The following EIF2AK4 variants were observed in gnomAD, a reference collection of about 807,000 sequenced individuals.
The protein encoded by EIF2AK4 is eukaryotic translation initiation factor 2 alpha kinase 4.
Under a neutral mutation model 211.1 loss-of-function variants are expected in EIF2AK4, and 139 were observed. The ratio of observed to expected loss-of-function variants is 0.66; its 90% confidence interval spans 0.57 to 0.76. The LOEUF (loss-of-function observed/expected upper bound fraction) is 0.76, where lower values mean the gene tolerates loss of function less well. EIF2AK4 is among the 30% of genes least tolerant of loss of function. The pLI is 0.00. For missense variants in EIF2AK4, 1,664 were observed against 2,043.8 expected, an observed-to-expected ratio of 0.81 and a Z score of 3.58; for synonymous variants, 710 against 751.3, an observed-to-expected ratio of 0.94 and a Z score of 0.90.
chr15:39,956,774 T>C (rs987987675), intron 6 of EIF2AK4, among the ~76,000 whole-genome samples: 1 of 152,048 alleles, frequency 6.6e-6, no homozygotes, highest in Non-Finnish European at 1.5e-5. Context: ...TTAAATTATC[T>C]CTTGTGAGAC....
chr15:39,950,669 CG>C (rs1270741362), intron 4 of EIF2AK4, among the ~76,000 whole-genome samples: 1 of 151,284 alleles, frequency 6.6e-6, no homozygotes, highest in African/African-American at 2.4e-5. Flanking sequence ...TGCTACAAAC[CG>C]TTTAGTTGCC....
chr15:39,992,569 C>T (rs1741537909), intron 17 of EIF2AK4, 200 bp from the exon 18 acceptor site: 2 of 595,866 alleles, frequency 3.4e-6, no homozygotes, highest in African/African-American at 1.9e-5. Context: ...ATAGCAAAGA[C>T]ATCCTTGTGT....
At chr15:39,961,045 C>T (rs1436278) in intron 6 of EIF2AK4, among the ~76,000 whole-genome samples, 3 of 152,024 alleles carry the variant, frequency 2.0e-5, no homozygotes, top group African/African-American at 7.3e-5. Context: ...CCCTGCAACC[C>T]TCTCCCCTAA....
chr15:39,988,150 A>T, intron 15 of EIF2AK4, 45 bp downstream of exon 15: 1 of 1,597,668 alleles, frequency 6.3e-7, no homozygotes, highest in Non-Finnish European at 8.6e-7. Flanking sequence ...TGTTTACATA[A>T]ATTTATGACT....
At chr15:39,964,630 G>C (rs184230036) in intron 7 of EIF2AK4, among the ~76,000 whole-genome samples, 1 of 152,268 alleles carries the variant, frequency 6.6e-6, no homozygotes. Context: ...AAGGAGAATA[G>C]AGGGAACTAA....
intron 6 of EIF2AK4, among the ~76,000 whole-genome samples, chr15:39,956,863 C>T (rs558917063): frequency 6.6e-6 from 1 of 152,308 alleles, no homozygotes; most frequent in African/African-American, 2.4e-5. Flanking sequence ...TTTATATAAA[C>T]TTCTGTATAG....
chr15:39,954,060 GTTACTATCA>G, intron 5 of EIF2AK4, 76 bp downstream of exon 5: 1 of 1,157,544 alleles, frequency 8.6e-7, no homozygotes, highest in Non-Finnish European at 1.2e-6. Flanking sequence ...TGACATCTGT[GTTACTATCA>G]GTAATACAGC....
intron 8 of EIF2AK4, among the ~76,000 whole-genome samples, chr15:39,966,975 G>A (rs890307615): frequency 2.0e-5 from 3 of 152,098 alleles, no homozygotes; most frequent in Admixed American, 6.5e-5. Flanking sequence ...ATCAGAAAAG[G>A]TTATTTTTAA....
At chr15:39,956,273 G>A (rs559627467) in intron 6 of EIF2AK4, among the ~76,000 whole-genome samples, 1 of 152,150 alleles carries the variant, frequency 6.6e-6, no homozygotes, top group African/African-American at 2.4e-5. Context: ...CAAAATGCTG[G>A]GATTACAGGC....
intron 16 of EIF2AK4, chr15:39,991,918 C>T (rs145206857): frequency 8.2e-4 from 268 of 327,202 alleles, no homozygotes; most frequent in African/African-American, 5.5e-3. Context: ...ATTGGTTTCT[C>T]TAAGTGTTTG....
chr15:39,995,710 T>G (rs2035009702), intron 18 of EIF2AK4, among the ~76,000 whole-genome samples: 1 of 152,182 alleles, frequency 6.6e-6, no homozygotes, highest in African/African-American at 2.4e-5. Context: ...TTTTTATTTT[T>G]TTCCTAGCTT....
At chr15:39,940,697 T>C (rs1460164300) in intron 2 of EIF2AK4, among the ~76,000 whole-genome samples, 2 of 152,260 alleles carry the variant, frequency 1.3e-5, no homozygotes, top group South Asian at 2.1e-4. Flanking sequence ...TGTTTTTTTT[T>C]CCTGACACCA....
intron 2 of EIF2AK4, among the ~76,000 whole-genome samples, chr15:39,940,972 T>C (rs550060091): frequency 2.6e-5 from 4 of 152,266 alleles, no homozygotes; most frequent in African/African-American, 9.6e-5. Flanking sequence ...TTCTGTGAGT[T>C]ACATTTACCA....
intron 31 of EIF2AK4, 88 bp from the exon 32 acceptor site, chr15:40,022,431 T>G: frequency 9.0e-7 from 1 of 1,109,388 alleles, no homozygotes; most frequent in Admixed American, 2.1e-5. Flanking sequence ...AGAATATAAT[T>G]GGAAACAGTA....
chr15:39,967,599 G>A lies in EIF2AK4; in HGVS notation c.1273G>A (p.Val425Ile). The A allele has an allele frequency of 6.2e-7, 1 of 1,614,074 alleles. No homozygotes were observed. Among genetic ancestry groups the A allele is most frequent in the African/African-American group, 1.3e-5 (1 of 75,006 alleles). The change falls in exon 9 of 39, where the codon GTC (valine) becomes ATC (isoleucine). Residue 425 changes from valine (V) to isoleucine (I), a missense_variant. Physicochemically the swap from Val to Ile is conservative, Grantham distance 29. Coordinates refer to ENST00000263791, the MANE Select transcript of EIF2AK4 (RefSeq NM_001013703.4). ...YLHSNSVVHK[V>I]LSASNVLVDA... ...GCACAGCAATTCTGTGGTGCATAAG[G>A]TCCTGAGTGCATCTAATGTCTTGGT... is the stretch of plus-strand genomic sequence containing the variant.
At chr15:40,029,772 A>C (rs1450484916) in intron 34 of EIF2AK4, among the ~76,000 whole-genome samples, 1 of 152,190 alleles carries the variant, frequency 6.6e-6, no homozygotes, top group Non-Finnish European at 1.5e-5. Flanking sequence ...CCTCATACAG[A>C]GGATTGAAGG....
intron 6 of EIF2AK4, among the ~76,000 whole-genome samples, chr15:39,958,571 C>T (rs2034423791): frequency 6.6e-6 from 1 of 152,188 alleles, no homozygotes; most frequent in Admixed American, 6.5e-5. Flanking sequence ...ACATGGTCCT[C>T]TGTTGTTCAG....
intron 13 of EIF2AK4, 44 bp from the exon 14 acceptor site, chr15:39,985,761 T>G: frequency 6.2e-7 from 1 of 1,603,030 alleles, no homozygotes; most frequent in Non-Finnish European, 8.5e-7. Context: ...TTTTGCTTAA[T>G]TTTGGCCTCC....
chr15:40,018,890 G>C (rs906928937), intron 29 of EIF2AK4, among the ~76,000 whole-genome samples: 14 of 152,196 alleles, frequency 9.2e-5, no homozygotes, highest in Non-Finnish European at 2.1e-4. Context: ...GAACAGTGCA[G>C]AGTTAGATGA....
Sources: gnomAD v4.1 joint callset for allele counts (sites outside exome capture counted in the v4.1 genomes callset) on GRCh38, gnomAD v4.1.1 for gene constraint, MANE v1.5 for transcripts, NCBI Gene and HGNC (gene_info 2026-07-23, HGNC 2026-07-21) for gene names.